Variants in PTGER3 observed in about 807,000 individuals in gnomAD.
The protein encoded by PTGER3 is prostaglandin E receptor 3, also known as prostaglandin E2 receptor EP3 subtype.
A neutral mutation model predicts 34.7 loss-of-function variants in PTGER3; 22 were observed. The ratio of observed to expected loss-of-function variants is 0.63; its 90% CI spans 0.45 to 0.91. PTGER3 has a LOEUF of 0.91. Ranked by LOEUF, PTGER3 falls within the 40% of genes least tolerant of loss-of-function variation. PTGER3 has a pLI of 0.00. For synonymous variants in PTGER3, 241 were observed against 230.1 expected (o/e 1.05, Z -0.43); for missense variants, 468 against 519.4 (o/e 0.90, Z 0.96).
chr1:71,020,847 A>G (rs969291754), intron 1 of PTGER3, among the ~76,000 whole-genome samples: 1 of 152,118 alleles, frequency 6.6e-6, no homozygotes, highest in African/African-American at 2.4e-5. Context: ...TTTGGAGACT[A>G]GTTACCTAAT....
chr1:70,879,924 CT>C (rs1646353996), intron 4 of PTGER3, among the ~76,000 whole-genome samples: 1 of 151,996 alleles, frequency 6.6e-6, no homozygotes, highest in African/African-American at 2.4e-5. Flanking sequence ...GGAACCTTGT[CT>C]CTACTAAAAA....
Position 70,986,780 on chromosome 1 carries a change from G to A in PTGER3, c.1078-12392C>T, listed in dbSNP as rs528532979. Among the ~76,000 whole-genome samples the A allele has an allele frequency of 1.1e-4, 16 of 152,242 alleles. No individual in the cohort carries two copies. The South Asian group carries it at 1.9e-3, about 18-fold the overall frequency. The stretch of plus-strand genomic sequence containing the variant: ...ATGCCATCTTGGCTAAGGAAAGGGC[G>A]TGCTGGGAGAAACCATGAAAGACAA... On this transcript the variant is annotated intron_variant, in intron 2 of 3. Transcript: ENST00000306666.
intron 2 of PTGER3, chr1:71,006,589 C>A (rs1423468487): frequency 6.1e-6 from 6 of 979,540 alleles, no homozygotes; most frequent in Non-Finnish European, 6.1e-6. Context: ...GAACAATAAT[C>A]TTGAGATAAT....
intron 4 of PTGER3, among the ~76,000 whole-genome samples, chr1:70,895,188 C>T (rs1253831815): frequency 6.6e-6 from 1 of 152,042 alleles, no homozygotes; most frequent in African/African-American, 2.4e-5. Context: ...ATATTTAAGC[C>T]ACAATTTTTA....
intron 2 of PTGER3, chr1:71,011,760 T>A: frequency 1.0e-6 from 1 of 986,818 alleles, no homozygotes; most frequent in South Asian, 4.7e-5. Context: ...TTTTCTTTAA[T>A]GTAAGGAGGA....
chr1:71,020,329 AAAC>A, intron 1 of PTGER3, among the ~76,000 whole-genome samples: 1 of 152,320 alleles, frequency 6.6e-6, no homozygotes, highest in Admixed American at 6.5e-5. Context: ...AGATTTTTTA[AAAC>A]AACAATGGAT....
chr1:70,923,696 C>A (rs1452329874), intron 4 of PTGER3, among the ~76,000 whole-genome samples: 2 of 152,156 alleles, frequency 1.3e-5, no homozygotes, highest in Non-Finnish European at 1.5e-5. Context: ...GTTAGGAAAA[C>A]TTTTCCTTTA....
chr1:70,956,194 C>T (rs1010876196), intron 2 of PTGER3, among the ~76,000 whole-genome samples: 1 of 152,060 alleles, frequency 6.6e-6, no homozygotes, highest in East Asian at 1.9e-4. Flanking sequence ...TGTATATACT[C>T]TAAGTAATTA....
At chr1:70,894,487 G>A (rs1392770246) in intron 4 of PTGER3, among the ~76,000 whole-genome samples, 2 of 152,068 alleles carry the variant, frequency 1.3e-5, no homozygotes, top group Non-Finnish European at 2.9e-5. Flanking sequence ...TTATATTTCA[G>A]AACACTTTGG....
rs562235807 is a variant in PTGER3 at position 71,011,434 on chromosome 1, C to T, written c.1077+871G>A. The T allele has an allele frequency of 1.7e-3, 1,671 of 985,242 alleles. 1 individual carries two copies. The highest frequency in any genetic ancestry group is 2.9e-3 in the South Asian group (62 of 21,286). 61.0% of individuals were successfully genotyped at this position (985,242 alleles called of 1,614,324 possible). On this transcript the variant is annotated intron_variant, in intron 2 of 3. Coordinates refer to ENST00000306666, the MANE Select transcript of PTGER3 (RefSeq NM_198719.2). ...ATTCAGAGTACCTATAGTTAGTGCT[C>T]AAATCGGTCCTTACATAGCATTCTG...
intron 4 of PTGER3, among the ~76,000 whole-genome samples, chr1:70,879,609 T>A (rs555123494): frequency 1.8e-3 from 273 of 152,276 alleles, no homozygotes; most frequent in African/African-American, 6.1e-3. Context: ...TTAAAATAGT[T>A]ACCCCTGCTA....
At chr1:70,921,026 C>A (rs1647468882) in intron 4 of PTGER3, among the ~76,000 whole-genome samples, 1 of 152,156 alleles carries the variant, frequency 6.6e-6, no homozygotes, top group African/African-American at 2.4e-5. Context: ...CCTTCATGTC[C>A]TTTATACTTG....
chr1:70,991,376 T>G (rs955989477), intron 2 of PTGER3, among the ~76,000 whole-genome samples: 3 of 152,156 alleles, frequency 2.0e-5, no homozygotes, highest in Non-Finnish European at 4.4e-5. Context: ...CTCCAAACCC[T>G]CAGTCTTCCC....
intron 4 of PTGER3, among the ~76,000 whole-genome samples, chr1:70,867,890 T>C (rs1646076807): frequency 6.6e-6 from 1 of 152,184 alleles, no homozygotes. Flanking sequence ...GGCTCAAGTT[T>C]ATCTATGCTT....
exon 5 of PTGER3, chr1:70,852,845 T>A: frequency 6.2e-7 from 1 of 1,613,396 alleles, no homozygotes; most frequent in Non-Finnish European, 8.5e-7. Flanking sequence ...GGTTTTAATT[T>A]CCCCAAAATT....
At chr1:70,933,561 C>A (rs1234251401) in intron 4 of PTGER3, among the ~76,000 whole-genome samples, 1 of 152,188 alleles carries the variant, frequency 6.6e-6, no homozygotes, top group Non-Finnish European at 1.5e-5. Context: ...ATCTCAGATT[C>A]ATTTTTATTT....
intron 3 of PTGER3, among the ~76,000 whole-genome samples, chr1:70,973,689 TA>T (rs1246304612): frequency 6.6e-6 from 1 of 152,104 alleles, no homozygotes; most frequent in Non-Finnish European, 1.5e-5. Flanking sequence ...CAGTCCTTCT[TA>T]AAAAGAAAAA....
At chr1:70,920,456 C>CT (rs1016398669) in intron 4 of PTGER3, among the ~76,000 whole-genome samples, 4 of 152,150 alleles carry the variant, frequency 2.6e-5, no homozygotes, top group African/African-American at 9.7e-5. Flanking sequence ...CAAGGTTTCA[C>CT]TTTTTTAGGG....
In PTGER3 at chr1:71,047,058, T is replaced by C. The variant is rs1198831534; in HGVS notation, c.520A>G (p.Thr174Ala). 10 of 1,611,558 alleles carry C rather than the reference T, an allele frequency of 6.2e-6. No homozygotes were observed. In the Admixed American group the frequency reaches 1.5e-4, roughly 24 times the overall value. ...WYASHMKTRA[T>A]RAVLLGVWLA... ...CACACGCCGAGCAGCACAGCGCGGG[T>C]GGCACGCGTCTTCATGTGGCTCGCA... Residue 174 changes from threonine (T) to alanine (A), a missense_variant, in exon 1 of 4, where the codon ACC becomes GCC. Thr to Ala is a moderately conservative substitution (Grantham distance 58). This residue lies in a region of PTGER3 where 204 missense variants were observed against 230.8 expected (regional missense o/e 0.88). Coordinates refer to ENST00000306666, the MANE Select transcript of PTGER3 (RefSeq NM_198719.2).
Sources: allele counts gnomAD v4.1 joint callset (sites outside exome capture counted in the v4.1 genomes callset), GRCh38; gene constraint gnomAD v4.1.1; regional missense constraint gnomAD v4.1.1; transcripts MANE v1.5; gene names NCBI Gene and HGNC (gene_info 2026-07-23, HGNC 2026-07-21).